ABR: variants seen among roughly 807,000 people sequenced by gnomAD.
The protein encoded by ABR is ABR activator of RhoGEF and GTPase.
In ABR, 35 loss-of-function variants were observed where a neutral mutation model predicts 107.2. The observed-to-expected ratio is 0.33, with a 90% CI of 0.25 to 0.43. The LOEUF is 0.43. Among genes scored for constraint, ABR ranks in the 20% least tolerant of loss-of-function variants. The pLI is 1.00. For missense variants in ABR, 815 were observed against 1,115.2 expected (o/e 0.73, Z 3.83); for synonymous variants, 498 against 462.0 (o/e 1.08, Z -1.00).
rs1220223412 is a variant in ABR at position 1,064,779 on chromosome 17, A to G, written c.1182+2298T>C. 1.3e-4 allele frequency among the ~76,000 whole-genome samples: 17 copies of G among 133,512 alleles called. No homozygotes were observed. In the South Asian group the frequency reaches 4.3e-3, roughly 34 times the overall value. 87.6% of individuals were successfully genotyped at this position (133,512 alleles called of 152,430 possible). A position where few individuals can be genotyped will look rare whatever the true frequency, so the allele number is the denominator to read the frequency against. The stretch of plus-strand genomic sequence containing the variant: ...TTGTTATGTGAACTGAGGGCTATGC[A>G]TGTTCCTCTAGACACTGTTGTTATG... On this transcript the variant is annotated intron_variant, in intron 10 of 22. Transcript: ENST00000302538.
chr17:1,216,147 C>T (rs557961708), intron 1 of ABR, among the ~76,000 whole-genome samples: 26 of 151,570 alleles, frequency 1.7e-4, no homozygotes, highest in African/African-American at 3.9e-4. Context: ...TCCCCCTCTC[C>T]GAGAAACACC....
At chr17:1,190,405 G>A (rs1207713106), upstream of ABR, among the ~76,000 whole-genome samples, 10 of 152,268 alleles carry the variant, frequency 6.6e-5, no homozygotes, top group African/African-American at 2.4e-4. Context: ...AGGCCGAGGC[G>A]GGTGGATCAC....
chr17:1,131,314 C>T (rs377658038), intron 1 of ABR, among the ~76,000 whole-genome samples: 16 of 11,390 alleles, frequency 1.4e-3, no homozygotes, highest in Non-Finnish European at 1.8e-3. Context: ...ACAGCTCCCC[C>T]CTTTGCACAC....
chr17:1,187,586 T>A (rs1224765049), upstream of ABR, among the ~76,000 whole-genome samples: 1 of 152,288 alleles, frequency 6.6e-6, no homozygotes, highest in East Asian at 1.9e-4. Flanking sequence ...GGACAAAACC[T>A]TCACTAAAAT....
chr17:1,048,592 G>A (rs534241691), intron 16 of ABR, among the ~76,000 whole-genome samples: 147 of 134,258 alleles, frequency 1.1e-3, no homozygotes, highest in Admixed American at 1.8e-3. Flanking sequence ...TCACGTCCGG[G>A]GCCACGGTCA....
intron 5 of ABR, among the ~76,000 whole-genome samples, chr17:1,081,321 C>T (rs2589477): frequency 0.37 from 56,423 of 152,038 alleles, 10,916 homozygotes; most frequent in South Asian, 0.55. Context: ...GCCAATCTCC[C>T]GCCTCGGCCT....
At chr17:1,134,684 G>C (rs921067654) in intron 1 of ABR, among the ~76,000 whole-genome samples, 10 of 152,326 alleles carry the variant, frequency 6.6e-5, no homozygotes, top group Admixed American at 1.3e-4. Flanking sequence ...AAGGCGGACC[G>C]GAGGGTGTGG....
At chr17:1,186,208 C>T (rs2042293325) in intron 1 of ABR, among the ~76,000 whole-genome samples, 1 of 152,224 alleles carries the variant, frequency 6.6e-6, no homozygotes, top group South Asian at 2.1e-4. Flanking sequence ...CAGGCCTCCA[C>T]AGTGTCACCT....
At chr17:1,173,271 A>G (rs1212093175) in intron 1 of ABR, among the ~76,000 whole-genome samples, 4 of 112,396 alleles carry the variant, frequency 3.6e-5, no homozygotes, top group East Asian at 3.2e-4. Context: ...CACCCAACAC[A>G]TCACCTCAGC....
intron 16 of ABR, among the ~76,000 whole-genome samples, chr17:1,040,456 C>T (rs1038715848): frequency 5.9e-5 from 9 of 152,236 alleles, no homozygotes; most frequent in Non-Finnish European, 7.3e-5. Flanking sequence ...AGGGAAACCT[C>T]GGGCCAGCCG....
chr17:1,083,401 G>T, intron 5 of ABR, 119 bp downstream of exon 5: 1 of 599,982 alleles, frequency 1.7e-6, no homozygotes, highest in Non-Finnish European at 3.0e-6. Context: ...ATCAGGCTAA[G>T]TGTTACCCAT....
intron 2 of ABR, among the ~76,000 whole-genome samples, chr17:1,106,123 T>TC (rs2038228644): frequency 6.6e-6 from 1 of 152,166 alleles, no homozygotes; most frequent in Non-Finnish European, 1.5e-5. Flanking sequence ...CAAAGGTAAG[T>TC]CTGGGCTGAG....
intron 16 of ABR, among the ~76,000 whole-genome samples, chr17:1,038,788 C>T (rs1326152628): frequency 6.6e-6 from 1 of 152,236 alleles, no homozygotes; most frequent in Non-Finnish European, 1.5e-5. Context: ...GCAGCCTCAG[C>T]CCTAACTCAA....
At chr17:1,128,480 C>G (rs941374994) in intron 1 of ABR, among the ~76,000 whole-genome samples, 4 of 152,246 alleles carry the variant, frequency 2.6e-5, no homozygotes, top group African/African-American at 9.6e-5. Context: ...TCAAAGACAC[C>G]TTTCCTGATG....
rs183228288 is a variant in ABR, at chr17:1,171,822, C to T, written c.61+7845G>A. 1.6e-4 allele frequency among the ~76,000 whole-genome samples: 25 copies of T among 152,222 alleles called. 1 individual carries two copies. The highest frequency in any genetic ancestry group is 4.3e-4 in the African/African-American group (18 of 41,528). Reference sequence around the variant, plus strand: ...GGCAGCACCTGTAATCCCAGCTACTCGGGAGGCTGAGGCAGGAGAACTGCT... The same window carrying T: ...GGCAGCACCTGTAATCCCAGCTACTTGGGAGGCTGAGGCAGGAGAACTGCT... On this transcript the variant is annotated intron_variant, in intron 1 of 22. Transcript: ENST00000302538.
intron 16 of ABR, among the ~76,000 whole-genome samples, chr17:1,035,394 C>T (rs181761505): frequency 8.2e-6 from 1 of 122,084 alleles, no homozygotes; most frequent in Non-Finnish European, 1.8e-5. Context: ...TTCCATCCCC[C>T]ACACCTGCTC....
In ABR at chr17:1,077,455, C is replaced by T. The variant is rs983696882; in HGVS notation, c.700+1875G>A. On this transcript the variant is annotated intron_variant, in intron 6 of 22. Transcript: ENST00000302538. ...AGTCAAGACCTGACCAACTCCTAGG[C>T]CAGACCAAAAAGACCATTTCTCCTC... is the stretch of plus-strand genomic sequence containing the variant. Among the ~76,000 whole-genome samples, 13 of 152,256 alleles carry T rather than the reference C, an allele frequency of 8.5e-5. No individual in the cohort carries two copies. The East Asian group carries it at 2.5e-3, about 29-fold the overall frequency.
At chr17:1,143,851 G>C (rs73975652) in intron 1 of ABR, among the ~76,000 whole-genome samples, 5 of 152,108 alleles carry the variant, frequency 3.3e-5, no homozygotes, top group Non-Finnish European at 5.9e-5. Flanking sequence ...GCAGAGAAGC[G>C]CATGTGGCTT....
intron 2 of ABR, among the ~76,000 whole-genome samples, chr17:1,107,586 A>C (rs1197869832): frequency 6.6e-6 from 1 of 152,158 alleles, no homozygotes; most frequent in Non-Finnish European, 1.5e-5. Flanking sequence ...TTCCCAGAGG[A>C]GGCCCATGAG....
Sources: allele counts gnomAD v4.1 joint callset (sites outside exome capture counted in the v4.1 genomes callset), GRCh38; gene constraint gnomAD v4.1.1; transcripts MANE v1.5; gene names NCBI Gene and HGNC (gene_info 2026-07-23, HGNC 2026-07-21).